Variants in SPOCD1 observed in about 807,000 individuals in gnomAD.
SPOCD1 encodes the protein SPOC domain-containing protein 1.
SPOCD1 carries 64 observed loss-of-function variants against 92.2 expected under a neutral mutation model. The observed-to-expected ratio is 0.69, with a 90% confidence interval of 0.57 to 0.86. SPOCD1 has a LOEUF of 0.86. Among genes scored for constraint, SPOCD1 ranks in the 40% least tolerant of loss-of-function variants. The pLI is 0.00. For synonymous variants in SPOCD1, 578 were observed against 619.3 expected, an observed-to-expected ratio of 0.93 and a Z score of 0.99; for missense variants, 1,360 against 1,543.1, an observed-to-expected ratio of 0.88 and a Z score of 1.99.
At chr1:31,802,023 C>G (rs1454571235) in intron 2 of SPOCD1, among the ~76,000 whole-genome samples, 1 of 152,154 alleles carries the variant, frequency 6.6e-6, no homozygotes, top group Non-Finnish European at 1.5e-5. Context: ...CAAAAATTAG[C>G]TGAGCATGGT....
Position 31,791,190 on chromosome 1 carries a change from C to G in SPOCD1, c.3064G>C (p.Asp1022His), listed in dbSNP as rs1647566523. 1.2e-6 allele frequency: 2 copies of G among 1,611,080 alleles called. No individual in the cohort carries two copies. The highest frequency in any genetic ancestry group is 1.7e-6 in the Non-Finnish European group (2 of 1,178,486). The change falls in exon 16 of 16, where the codon GAC becomes CAC. Residue 1022 changes from aspartate (D) to histidine (H), a missense_variant. This residue lies in a region of SPOCD1 where 614 missense variants were observed against 757.8 expected (regional missense o/e 0.81). Coordinates refer to ENST00000360482, the MANE Select transcript of SPOCD1 (RefSeq NM_144569.7). ...AVLLPKEGLP[D>H]TAGSSPWLGK... Reference sequence around the variant, plus strand: ...AACCAGGGGCTGGACCCTGCTGTGTCTGGAAGCCCTTCCTTGGGGAGCAGC... The same window carrying G: ...AACCAGGGGCTGGACCCTGCTGTGTGTGGAAGCCCTTCCTTGGGGAGCAGC...
At position 31,800,049 on chromosome 1, in the gene SPOCD1, A is replaced by G. The variant is rs1240057063; in HGVS notation, c.1695T>C (p.Leu565=). ...FYPPRSGSLA[L]GDPSSDPACS... is the part of the protein sequence containing the mutation. ...ATGCAGGGTCCGAGCTGGGGTCGCC[A>G]AGGGCCAGGGAACCGCTTCTTGGAG... The change falls in exon 5 of 16, where the codon CTT becomes CTC. Residue 565 remains leucine, a synonymous_variant. Coordinates refer to ENST00000360482, the MANE Select transcript of SPOCD1 (RefSeq NM_144569.7). 1 of 1,611,050 alleles carries G rather than the reference A, an allele frequency of 6.2e-7. No individual in the cohort carries two copies. The highest frequency in any genetic ancestry group is 1.3e-5 in the African/African-American group (1 of 74,864).
Position 31,814,081 on chromosome 1 carries a change from C to G in SPOCD1, c.1253G>C (p.Arg418Thr), listed in dbSNP as rs527707465. The change falls in exon 2 of 16, where the codon AGA (arginine) becomes ACA (threonine). Residue 418 changes from arginine (R) to threonine (T), a missense_variant. Coordinates refer to ENST00000360482, the MANE Select transcript of SPOCD1 (RefSeq NM_144569.7). This position sits in a 1 kb window ranked among gnomAD's most constrained non-coding sequence, Gnocchi z 4.2. Reference sequence around the variant, plus strand: ...CTTCAGGTTCTTAGTGCCCTTGGATCTTCTCTGCTCCATGAATGGGCCTGA... The same window carrying G: ...CTTCAGGTTCTTAGTGCCCTTGGATGTTCTCTGCTCCATGAATGGGCCTGA... ...ACSGPFMEQR[R>T]SKGTKNLKKG... The G allele has an allele frequency of 6.2e-7, 1 of 1,613,678 alleles. No individual in the cohort carries two copies. The highest frequency in any genetic ancestry group is 8.5e-7 in the Non-Finnish European group (1 of 1,179,760).
chr1:31,808,590 C>T (rs559991906), intron 2 of SPOCD1, among the ~76,000 whole-genome samples: 1 of 151,828 alleles, frequency 6.6e-6, no homozygotes, highest in Non-Finnish European at 1.5e-5. Context: ...AAGTGTCATA[C>T]TTAAGGTGAA....
chr1:31,806,305 A>T (rs1224978662), intron 2 of SPOCD1, among the ~76,000 whole-genome samples: 3 of 152,156 alleles, frequency 2.0e-5, no homozygotes, highest in Non-Finnish European at 4.4e-5. Flanking sequence ...TAACTAGAGA[A>T]TACATATTAT....
chr1:31,799,693 T>C (rs1268182598), intron 6 of SPOCD1, 116 bp downstream of exon 6: 2 of 1,346,302 alleles, frequency 1.5e-6, no homozygotes, highest in Non-Finnish European at 2.1e-6. Context: ...TATAGGCTGA[T>C]GGGATGTGGG....
At chr1:31,793,965 G>C (rs1647809074) in intron 11 of SPOCD1, 68 bp from the exon 12 acceptor site, 1 of 1,562,124 alleles carries the variant, frequency 6.4e-7, no homozygotes, top group Admixed American at 1.8e-5. Context: ...CAGGGCTTTA[G>C]AGCCAGGGTT....
chr1:31,806,472 T>C (rs1201749523), intron 2 of SPOCD1, among the ~76,000 whole-genome samples: 1 of 152,128 alleles, frequency 6.6e-6, no homozygotes, highest in Non-Finnish European at 1.5e-5. Context: ...TTTTAAAAAG[T>C]GAAATTAATT....
chr1:31,795,022 T>A (rs1396914881), intron 10 of SPOCD1: 1 of 152,204 alleles, frequency 6.6e-6, no homozygotes, highest in Non-Finnish European at 1.5e-5. Flanking sequence ...ATTTCCAGGT[T>A]TTCACTATTA....
rs112752591 is a variant in SPOCD1 at position 31,814,289 on chromosome 1, T to C, written c.1045A>G (p.Thr349Ala). The change falls in exon 2 of 16, where the codon ACT becomes GCT. Residue 349 changes from threonine to alanine, a missense_variant. By Grantham distance (58) the Thr-to-Ala change is moderately conservative (BLOSUM62 0). Coordinates refer to ENST00000360482, the MANE Select transcript of SPOCD1 (RefSeq NM_144569.7). The surrounding 1 kb of genome is among the most constrained non-coding windows in gnomAD (Gnocchi z 4.2). ...GGAGCCTGGCCTTCATCGCTGCCAG[T>C]CCGCACGACACACACAGCTTCTTGC... ...EQQEAVCVVR[T>A]GSDEGQAPAQ... The C allele has an allele frequency of 4.9e-3, 7,709 of 1,579,286 alleles. 22 individuals carry two copies. The highest frequency in any genetic ancestry group is 0.013 in the East Asian group (586 of 44,226).
chr1:31,800,604 G>A lies in SPOCD1; in HGVS notation c.1439C>T (p.Pro480Leu), dbSNP rs759467671. Residue 480 changes from proline (P) to leucine (L), a missense_variant, in exon 4 of 16, where the codon CCA becomes CTA. Transcript: ENST00000360482. The stretch of plus-strand genomic sequence containing the variant: ...GATGGCCCCCAGGAGCTGGATCACT[G>A]GCCCGGAACCCAGCTGCGGGGGAGA... ...VKLVCYLGSG[P>L]VIQLLGAISH... 41 of 1,605,860 alleles carry A rather than the reference G, an allele frequency of 2.6e-5. No individual in the cohort carries two copies. Among genetic ancestry groups the A allele is most frequent in the Non-Finnish European group, 3.3e-5 (39 of 1,175,352 alleles).
Position 31,800,621 on chromosome 1 carries a change from C to A in SPOCD1, c.1426-4G>T. On this transcript the variant is annotated splice_polypyrimidine_tract_variant and splice_region_variant and intron_variant, in intron 3 of 15. Coordinates refer to ENST00000360482, the MANE Select transcript of SPOCD1 (RefSeq NM_144569.7). Reference sequence around the variant, plus strand: ...GGATCACTGGCCCGGAACCCAGCTGCGGGGGAGATCGCACTTCAGAAGCAA... The same window carrying A: ...GGATCACTGGCCCGGAACCCAGCTGAGGGGGAGATCGCACTTCAGAAGCAA... The A allele has an allele frequency of 6.3e-7, 1 of 1,594,924 alleles. No individual in the cohort carries two copies. Among genetic ancestry groups the A allele is most frequent in the South Asian group, 1.1e-5 (1 of 89,336 alleles).
At position 31,790,765 on chromosome 1, in the gene SPOCD1, G is replaced by C; in HGVS notation, c.3489C>G (p.Leu1163=). The C allele has an allele frequency of 6.4e-7, 1 of 1,551,306 alleles. No individual in the cohort carries two copies. The highest frequency in any genetic ancestry group is 1.2e-5 in the South Asian group (1 of 84,050). Residue 1163 remains leucine (L), a synonymous_variant, in exon 16 of 16, where the codon CTC becomes CTG. Transcript: ENST00000360482. ...LESLATMSHQ[L]QALLCPQTKS... is the part of the protein sequence containing the mutation. ...TGGTCTGGGGGCACAGTAAGGCTTG[G>C]AGCTGGTGACTCATGGTCGCCAGGG...
At chr1:31,805,648 C>A (rs1293339910) in intron 2 of SPOCD1, among the ~76,000 whole-genome samples, 1 of 151,928 alleles carries the variant, frequency 6.6e-6, no homozygotes, top group Non-Finnish European at 1.5e-5. Context: ...GAATTGTGAG[C>A]CCGGGAGATC....
chr1:31,793,540 C>G (rs755862851), intron 12 of SPOCD1, 112 bp from the exon 13 acceptor site: 2 of 1,510,338 alleles, frequency 1.3e-6, no homozygotes, highest in East Asian at 4.9e-5. Context: ...GACTGGAACA[C>G]TGGCCCAAGC....
At chr1:31,810,920 A>C (rs61779652) in intron 2 of SPOCD1, among the ~76,000 whole-genome samples, 17,772 of 151,944 alleles carry the variant, frequency 0.12, 1,062 homozygotes, top group Middle Eastern at 0.16. Flanking sequence ...GAGTTGCCCC[A>C]CACACACACA....
At chr1:31,805,328 G>A (rs1421997256) in intron 2 of SPOCD1, among the ~76,000 whole-genome samples, 1 of 151,996 alleles carries the variant, frequency 6.6e-6, no homozygotes, top group Non-Finnish European at 1.5e-5. Context: ...ATAAACTGAG[G>A]ATAGGAAACA....
At position 31,794,119 on chromosome 1, in the gene SPOCD1, C is replaced by T; in HGVS notation, c.2383+5G>A. On this transcript the variant is annotated splice_donor_5th_base_variant and intron_variant, in intron 11 of 15. Transcript: ENST00000360482. ...CCCCTGCACCCCTCCCGTGTCCCCT[C>T]CCACCCTTGCAGATGTGGCAGTTGG... 1 of 1,609,948 alleles carries T rather than the reference C, an allele frequency of 6.2e-7. No individual in the cohort carries two copies. The highest frequency in any genetic ancestry group is 8.5e-7 in the Non-Finnish European group (1 of 1,176,504).
Position 31,798,978 on chromosome 1 carries a change from A to C in SPOCD1, c.1869-377T>G, listed in dbSNP as rs1184895561. The C allele has an allele frequency of 7.5e-6, 4 of 533,754 alleles. No individual in the cohort carries two copies. In the Admixed American group the frequency reaches 1.1e-4, roughly 14 times the overall value. The allele number at this position is 533,754 out of a possible 1,614,324, so 33.1% of individuals were successfully genotyped here. A position where few individuals can be genotyped will look rare whatever the true frequency, so the allele number is the denominator to read the frequency against. On this transcript the variant is annotated intron_variant, in intron 7 of 15. Coordinates refer to ENST00000360482, the MANE Select transcript of SPOCD1 (RefSeq NM_144569.7). The surrounding 1 kb of genome is among the most constrained non-coding windows in gnomAD (Gnocchi z 4.1). Reference sequence around the variant, plus strand: ...GTAAGGCAGGAGTCAGGGGGAGAGAATGGAGCCCTGGCCCTCGGTGTCATC... The same window carrying C: ...GTAAGGCAGGAGTCAGGGGGAGAGACTGGAGCCCTGGCCCTCGGTGTCATC...
Sources: gnomAD v4.1 joint callset for allele counts (sites outside exome capture counted in the v4.1 genomes callset) on GRCh38, gnomAD v4.1.1 for gene constraint, gnomAD v4.1.1 regional missense constraint, Gnocchi (gnomAD v3.1) non-coding constraint, MANE v1.5 for transcripts, NCBI Gene and HGNC (gene_info 2026-07-23, HGNC 2026-07-21) for gene names.